Variants in EVI5 observed in about 807,000 individuals in gnomAD.
EVI5 encodes ecotropic viral integration site 5 protein homolog.
In EVI5, 73 loss-of-function variants were observed where a neutral mutation model predicts 112.0. The observed-to-expected ratio is 0.65, with a 90% CI of 0.54 to 0.79. EVI5 has a LOEUF of 0.79. Ranked by LOEUF, EVI5 falls within the 30% of genes least tolerant of loss-of-function variation. EVI5 has a pLI of 0.00. For synonymous variants in EVI5, 305 were observed against 319.9 expected (o/e 0.95, Z 0.50); for missense variants, 900 against 968.8 (o/e 0.93, Z 0.94).
At chr1:92,786,417 T>G (rs1319380827), upstream of EVI5, among the ~76,000 whole-genome samples, 1 of 152,210 alleles carries the variant, frequency 6.6e-6, no homozygotes, top group Non-Finnish European at 1.5e-5. Context: ...ATTAACAATT[T>G]TATTGCAACT....
rs375553110 is a variant in EVI5, at chr1:92,666,000, G to GA, written c.1159-9dup. ...ATTTTCTGTGCGTAACCTCTGCCAAGAAAAAAAAAGTTTTATTTGCAAGCA... is the reference window on the plus strand; with the variant it reads ...ATTTTCTGTGCGTAACCTCTGCCAAGAAAAAAAAAAGTTTTATTTGCAAGCA... On this transcript the variant is annotated splice_polypyrimidine_tract_variant and intron_variant, in intron 10 of 19. Coordinates refer to ENST00000684568, the MANE Select transcript of EVI5 (RefSeq NM_001350197.2). The GA allele has an allele frequency of 3.9e-4, 597 of 1,520,846 alleles. 2 individuals carry two copies. Among genetic ancestry groups the GA allele is most frequent in the Middle Eastern group, 1.1e-3 (6 of 5,668 alleles). 94.2% of individuals were successfully genotyped at this position (1,520,846 alleles called of 1,614,324 possible). A position where few individuals can be genotyped will look rare whatever the true frequency, so the allele number is the denominator to read the frequency against.
At chr1:92,726,380 CAA>C (rs1032054666) in intron 2 of EVI5, among the ~76,000 whole-genome samples, 7 of 151,958 alleles carry the variant, frequency 4.6e-5, no homozygotes, top group Non-Finnish European at 7.4e-5. Flanking sequence ...ACTGAAAACA[CAA>C]GAGAGAAATC....
chr1:92,727,993 CA>C (rs35202027), intron 2 of EVI5, among the ~76,000 whole-genome samples: 125,174 of 137,758 alleles, frequency 0.91, 56,727 homozygotes, highest in East Asian at 0.96. Context: ...GACCCTGTCT[CA>C]AAAAAAAAAA....
At chr1:92,564,383 C>T (rs1437892599) in intron 18 of EVI5, among the ~76,000 whole-genome samples, 1 of 152,004 alleles carries the variant, frequency 6.6e-6, no homozygotes, top group Non-Finnish European at 1.5e-5. Flanking sequence ...TGGCAAGCTT[C>T]CCATATTCTT....
At chr1:92,713,877 G>A in intron 2 of EVI5, 1 of 248,936 alleles carries the variant, frequency 4.0e-6, no homozygotes, top group Non-Finnish European at 6.4e-6. Context: ...TATAAAAACG[G>A]AACAAATATG....
Position 92,624,689 on chromosome 1 carries a change from CAAAAAAAAAAAAAAAA to C in EVI5, c.1669-371_1669-356del, listed in dbSNP as rs141559165. ...GAAACCCTGTCTCTAGTCTCTACTT[CAAAAAAAAAAAAAAAA>C]AAAAAAAAAAAAAAAGAATTTATTG... is the stretch of plus-strand genomic sequence containing the variant. On this transcript the variant is annotated intron_variant, in intron 15 of 19. Coordinates refer to ENST00000684568, the MANE Select transcript of EVI5 (RefSeq NM_001350197.2). Among the ~76,000 whole-genome samples, 437 of 51,810 alleles carry C rather than the reference CAAAAAAAAAAAAAAAA, an allele frequency of 8.4e-3. 4 individuals are homozygous for C. Among genetic ancestry groups the C allele is most frequent in the East Asian group, 0.081 (141 of 1,742 alleles). 34.0% of individuals were successfully genotyped at this position (51,810 alleles called of 152,430 possible).
At chr1:92,556,176 G>GC (rs1667656955) in intron 19 of EVI5, among the ~76,000 whole-genome samples, 1 of 150,468 alleles carries the variant, frequency 6.6e-6, no homozygotes, top group Admixed American at 6.7e-5. Flanking sequence ...CGATTCTCCT[G>GC]CCACAGCCTC....
At chr1:92,559,549 G>A (rs923444292) in intron 19 of EVI5, among the ~76,000 whole-genome samples, 9 of 151,848 alleles carry the variant, frequency 5.9e-5, no homozygotes, top group African/African-American at 1.5e-4. Flanking sequence ...TGAGGCAGGC[G>A]GATCACAAGG....
rs1655575476 is a variant in EVI5, at chr1:92,625,932, C to T, written c.1530G>A (p.Arg510=). The T allele has an allele frequency of 6.3e-7, 1 of 1,589,390 alleles. No homozygotes were observed. The highest frequency in any genetic ancestry group is 1.7e-5 in the Admixed American group (1 of 57,296). Residue 510 remains arginine (R), a splice_region_variant and synonymous_variant, in exon 15 of 20, where the codon AGG becomes AGA. Coordinates refer to ENST00000684568, the MANE Select transcript of EVI5 (RefSeq NM_001350197.2). Reference sequence around the variant, plus strand: ...TATTCTCATCAGGAAGGGAGTTATTCCTCTAAAGAAGAAGAAAATTTAATT... The same window carrying T: ...TATTCTCATCAGGAAGGGAGTTATTTCTCTAAAGAAGAAGAAAATTTAATT... ...MQDKVLDIEK[R]NNSLPDENNI...
At chr1:92,565,255 A>T (rs553103128) in intron 18 of EVI5, among the ~76,000 whole-genome samples, 1 of 152,328 alleles carries the variant, frequency 6.6e-6, no homozygotes, top group Non-Finnish European at 1.5e-5. Context: ...TCAAACACAC[A>T]TGAATACATG....
At chr1:92,568,974 T>G (rs1349288020) in intron 18 of EVI5, among the ~76,000 whole-genome samples, 2 of 152,198 alleles carry the variant, frequency 1.3e-5, no homozygotes, top group Non-Finnish European at 2.9e-5. Context: ...TATACATAGA[T>G]TTTCCACTGT....
Position 92,531,772 on chromosome 1 carries a change from A to G in EVI5, c.2167-17802T>C, listed in dbSNP as rs188165029. 3.9e-4 allele frequency among the ~76,000 whole-genome samples: 59 copies of G among 152,352 alleles called. No individual in the cohort carries two copies. The East Asian group carries it at 0.011, about 28-fold the overall frequency. The stretch of plus-strand genomic sequence containing the variant: ...TTGTCACCACCAGGCCTGCCTTACA[A>G]GAGCTCCTGAAGGAAGCACTAAACA... On this transcript the variant is annotated intron_variant, in intron 19 of 19. Transcript: ENST00000684568.
intron 3 of EVI5, 67 bp downstream of exon 3, chr1:92,704,488 C>A: frequency 9.9e-7 from 1 of 1,014,988 alleles, no homozygotes; most frequent in Non-Finnish European, 1.4e-6. Flanking sequence ...TTTTCCCAAT[C>A]CTCTATTAAG....
At chr1:92,775,865 T>C (rs2103069336) in intron 1 of EVI5, among the ~76,000 whole-genome samples, 1 of 152,226 alleles carries the variant, frequency 6.6e-6, no homozygotes, top group East Asian at 1.9e-4. Flanking sequence ...TCCCAGCACT[T>C]TGGGAGGCCG....
chr1:92,709,743 T>C (rs970156753), intron 2 of EVI5, among the ~76,000 whole-genome samples: 1 of 152,178 alleles, frequency 6.6e-6, no homozygotes, highest in African/African-American at 2.4e-5. Flanking sequence ...TGTAGAAAAA[T>C]AATTTACGTG....
chr1:92,543,859 G>A (rs1032192030), intron 19 of EVI5, among the ~76,000 whole-genome samples: 1 of 152,168 alleles, frequency 6.6e-6, no homozygotes, highest in African/African-American at 2.4e-5. Context: ...CTTGCTCAAT[G>A]CAGGATTGCG....
chr1:92,702,192 C>G lies in EVI5; in HGVS notation c.588G>C (p.Glu196Asp), dbSNP rs766491719. 1 of 1,510,930 alleles carries G rather than the reference C, an allele frequency of 6.6e-7. No individual in the cohort carries two copies. The allele number at this position is 1,510,930 out of a possible 1,614,324, so 93.6% of individuals were successfully genotyped here. A position where few individuals can be genotyped will look rare whatever the true frequency, so the allele number is the denominator to read the frequency against. The change falls in exon 5 of 20, where the codon GAG (glutamate) becomes GAC (aspartate). Residue 196 changes from glutamate to aspartate, a missense_variant. Physicochemically the swap from Glu to Asp is conservative, Grantham distance 45. Transcript: ENST00000684568. Reference sequence around the variant, plus strand: ...AAGCACTTCCTTGACAGTAACCAACCTCACGATCTACTAAAGAGTAAGCCT... The same window carrying G: ...AAGCACTTCCTTGACAGTAACCAACGTCACGATCTACTAAAGAGTAAGCCT... Reference protein sequence around the residue: ...VMKAYSLVDREVGYCQGSAFI... With the variant: ...VMKAYSLVDRDVGYCQGSAFI...
intron 10 of EVI5, among the ~76,000 whole-genome samples, chr1:92,675,966 A>G (rs1216129040): frequency 6.6e-6 from 1 of 151,646 alleles, no homozygotes; most frequent in Non-Finnish European, 1.5e-5. Context: ...AAAAAAAAAA[A>G]AAAAGAAAAA....
At chr1:92,588,190 G>A (rs771384509) in intron 18 of EVI5, among the ~76,000 whole-genome samples, 3 of 152,080 alleles carry the variant, frequency 2.0e-5, no homozygotes, top group South Asian at 2.1e-4. Flanking sequence ...TTTTGAATCA[G>A]TTCAATTAAA....
Sources: gnomAD v4.1 joint callset for allele counts (sites outside exome capture counted in the v4.1 genomes callset) on GRCh38, gnomAD v4.1.1 for gene constraint, MANE v1.5 for transcripts, NCBI Gene and HGNC (gene_info 2026-07-23, HGNC 2026-07-21) for gene names.